The following GRIP1 variants were observed in gnomAD, a reference collection of about 807,000 sequenced individuals.
GRIP1 encodes glutamate receptor-interacting protein 1.
GRIP1 carries 45 observed loss-of-function variants against 129.9 expected under a neutral mutation model. The observed-to-expected ratio is 0.35, with a 90% CI of 0.27 to 0.44. GRIP1 has a LOEUF of 0.44. GRIP1 is among the 20% of genes least tolerant of loss of function. The pLI is 1.00. For synonymous variants in GRIP1, 530 were observed against 520.8 expected, an observed-to-expected ratio of 1.02 and a Z score of -0.24; for missense variants, 1,196 against 1,396.8, an observed-to-expected ratio of 0.86 and a Z score of 2.29.
intron 1 of GRIP1, among the ~76,000 whole-genome samples, chr12:66,663,134 C>G (rs1233049433): frequency 1.3e-5 from 2 of 152,078 alleles, no homozygotes; most frequent in African/African-American, 4.8e-5. Flanking sequence ...CAAGCTCTAC[C>G]AAATTGAAAG....
intron 1 of GRIP1, among the ~76,000 whole-genome samples, chr12:66,797,181 G>GCA (rs1169413237): frequency 2.0e-5 from 3 of 152,160 alleles, no homozygotes; most frequent in Non-Finnish European, 4.4e-5. Context: ...TGGCATCATG[G>GCA]TGAATGATCT....
intron 1 of GRIP1, among the ~76,000 whole-genome samples, chr12:66,656,421 G>A (rs533475650): frequency 6.6e-6 from 1 of 152,120 alleles, no homozygotes. Context: ...CTTCAGCCTG[G>A]CAATAATCAA....
At chr12:66,737,530 C>T (rs1005120668) in intron 1 of GRIP1, among the ~76,000 whole-genome samples, 11 of 152,146 alleles carry the variant, frequency 7.2e-5, no homozygotes, top group African/African-American at 2.7e-4. Flanking sequence ...GATCCATCTG[C>T]CTTGGCCTCC....
chr12:66,376,050 T>C lies in GRIP1; in HGVS notation c.2778+967A>G, dbSNP rs2055768648. On this transcript the variant is annotated intron_variant, in intron 22 of 24. Transcript: ENST00000359742. The stretch of plus-strand genomic sequence containing the variant: ...AGCATTCTGCTCTTTTTGAAAGTTG[T>C]ATAAAAATGAATCATTGCTAACATC... 3.3e-5 allele frequency among the ~76,000 whole-genome samples: 5 copies of C among 152,356 alleles called. No homozygotes were observed. The South Asian group carries it at 1.0e-3, about 32-fold the overall frequency.
At chr12:66,420,877 G>T in intron 14 of GRIP1, 88 bp from the exon 15 acceptor site, 1 of 796,230 alleles carries the variant, frequency 1.3e-6, no homozygotes, top group Non-Finnish European at 2.2e-6. Flanking sequence ...ATAACTTAAT[G>T]CAAGTAATGT....
chr12:66,471,545 T>C (rs1279890100), intron 7 of GRIP1, among the ~76,000 whole-genome samples: 3 of 152,230 alleles, frequency 2.0e-5, no homozygotes, highest in Non-Finnish European at 2.9e-5. Flanking sequence ...ATGTGAATTT[T>C]GCTCCAATAA....
chr12:66,472,809 T>A (rs539511215), intron 7 of GRIP1, among the ~76,000 whole-genome samples: 3 of 152,294 alleles, frequency 2.0e-5, no homozygotes, highest in Admixed American at 2.0e-4. Flanking sequence ...ACTACGCTTT[T>A]CCCATGGTCT....
chr12:66,644,426 G>A lies in GRIP1; in HGVS notation c.55+34424C>T, dbSNP rs548002001. 7.5e-3 allele frequency among the ~76,000 whole-genome samples: 1,147 copies of A among 152,250 alleles called. 13 individuals carry two copies. The highest frequency in any genetic ancestry group is 0.027 in the African/African-American group (1,103 of 41,560). ...ATCACATTTCAAGTCATTAACAAGT[G>A]ACTGCTCCACAGCCTCTTCTCTGTG... is the stretch of plus-strand genomic sequence containing the variant. On this transcript the variant is annotated intron_variant, in intron 1 of 24. Transcript: ENST00000359742.
chr12:66,684,703 G>A (rs570879672), intron 1 of GRIP1, among the ~76,000 whole-genome samples: 1 of 152,218 alleles, frequency 6.6e-6, no homozygotes, highest in Non-Finnish European at 1.5e-5. Context: ...AAATTAGCCA[G>A]GCGTGGTGGT....
intron 13 of GRIP1, among the ~76,000 whole-genome samples, chr12:66,441,799 T>C: frequency 6.6e-6 from 1 of 152,204 alleles, no homozygotes; most frequent in Non-Finnish European, 1.5e-5. Flanking sequence ...TTATTTTTCC[T>C]ATCTCCAAAT....
intron 1 of GRIP1, among the ~76,000 whole-genome samples, chr12:66,613,261 T>C (rs907606652): frequency 3.3e-5 from 5 of 152,136 alleles, no homozygotes; most frequent in Non-Finnish European, 5.9e-5. Context: ...CTAATGCTCC[T>C]TATAAAGGTT....
intron 23 of GRIP1, among the ~76,000 whole-genome samples, chr12:66,361,091 G>A (rs1427897409): frequency 6.6e-6 from 1 of 152,186 alleles, no homozygotes; most frequent in East Asian, 1.9e-4. Context: ...TATGGTGCTG[G>A]AAGAAAACGA....
chr12:66,433,854 G>C (rs367993600), intron 13 of GRIP1, among the ~76,000 whole-genome samples: 8 of 152,166 alleles, frequency 5.3e-5, no homozygotes, highest in African/African-American at 1.7e-4. Context: ...TGGTCAGCTT[G>C]ACTCAAGGCA....
At chr12:66,445,946 T>C (rs902805338) in intron 11 of GRIP1, among the ~76,000 whole-genome samples, 5 of 152,194 alleles carry the variant, frequency 3.3e-5, no homozygotes, top group East Asian at 3.9e-4. Flanking sequence ...ATCTGGGCTT[T>C]GTGACTTTTA....
At chr12:66,553,903 C>T (rs2062228474) in intron 2 of GRIP1, among the ~76,000 whole-genome samples, 1 of 152,020 alleles carries the variant, frequency 6.6e-6, no homozygotes, top group South Asian at 2.1e-4. Flanking sequence ...CAGCAGTTGC[C>T]ATGTGAGCTC....
chr12:66,815,824 C>CTT (rs1566036672), intron 1 of GRIP1, among the ~76,000 whole-genome samples: 4 of 80,830 alleles, frequency 4.9e-5, no homozygotes, highest in Non-Finnish European at 7.2e-5. Flanking sequence ...TGAAAGATTT[C>CTT]TTTCTTTCTT....
chr12:66,960,290 G>C (rs1724695775), intron 1 of GRIP1, among the ~76,000 whole-genome samples: 1 of 152,152 alleles, frequency 6.6e-6, no homozygotes, highest in Non-Finnish European at 1.5e-5. Flanking sequence ...GGTTTGACCT[G>C]AAGAGGTGAG....
intron 23 of GRIP1, among the ~76,000 whole-genome samples, chr12:66,354,128 T>C (rs2054364698): frequency 6.6e-6 from 1 of 152,164 alleles, no homozygotes; most frequent in Non-Finnish European, 1.5e-5. Flanking sequence ...GACAACACCT[T>C]GCTCTGCACC....
upstream of GRIP1, among the ~76,000 whole-genome samples, chr12:66,806,211 G>A (rs1237521334): frequency 6.6e-6 from 1 of 152,092 alleles, no homozygotes; most frequent in East Asian, 1.9e-4. Context: ...GTTCAATGGT[G>A]TTTTAGTGGT....
Sources: gnomAD v4.1 joint callset for allele counts (sites outside exome capture counted in the v4.1 genomes callset) on GRCh38, gnomAD v4.1.1 for gene constraint, MANE v1.5 for transcripts, NCBI Gene and HGNC (gene_info 2026-07-23, HGNC 2026-07-21) for gene names.